Variants in VDAC2 observed in about 807,000 individuals in gnomAD.
VDAC2 encodes non-selective voltage-gated ion channel VDAC2.
VDAC2 carries 6 observed loss-of-function variants against 36.6 expected under a neutral mutation model. That is an observed-to-expected ratio of 0.16 (90% confidence interval 0.09 to 0.32). The LOEUF (loss-of-function observed/expected upper bound fraction) is 0.32. Among genes scored for constraint, VDAC2 ranks in the 10% least tolerant of loss-of-function variants. The probability of loss-of-function intolerance (pLI) is 1.00; values close to 1 mark genes in which losing one functional copy is unlikely to be tolerated. For synonymous variants in VDAC2, 109 were observed against 123.8 expected (o/e 0.88, Z 0.79); for missense variants, 247 against 346.0 (o/e 0.71, Z 2.27).
At chr10:75,220,122 A>G (rs750442898) in intron 6 of VDAC2, among the ~76,000 whole-genome samples, 2 of 143,528 alleles carry the variant, frequency 1.4e-5, no homozygotes, top group Non-Finnish European at 3.0e-5. Context: ...CACCGCTCGC[A>G]GCCTGTTTGT....
chr10:75,213,887 T>C, intron 3 of VDAC2, 134 bp from the exon 4 acceptor site: 1 of 784,940 alleles, frequency 1.3e-6, no homozygotes, highest in Non-Finnish European at 2.0e-6. Context: ...TTCATTTAAA[T>C]ATTGTATATT....
At chr10:75,224,701 G>T (rs573754802) in intron 8 of VDAC2, among the ~76,000 whole-genome samples, 126 of 152,306 alleles carry the variant, frequency 8.3e-4, no homozygotes, top group African/African-American at 3.0e-3. Context: ...ATTGTACCTT[G>T]ATGCTAGACC....
intron 4 of VDAC2, among the ~76,000 whole-genome samples, chr10:75,214,611 G>A (rs975998281): frequency 3.3e-5 from 5 of 151,778 alleles, no homozygotes; most frequent in African/African-American, 1.2e-4. Flanking sequence ...TGCAACCTCC[G>A]CCTCCTGAGT....
At chr10:75,222,979 CT>C (rs34279627) in intron 8 of VDAC2, among the ~76,000 whole-genome samples, 2,677 of 137,926 alleles carry the variant, frequency 0.019, 41 homozygotes, top group African/African-American at 0.05. Context: ...ATCACTTTGT[CT>C]TTTTTTTTTT....
intron 3 of VDAC2, among the ~76,000 whole-genome samples, chr10:75,213,066 T>C (rs935469705): frequency 2.6e-5 from 4 of 152,090 alleles, no homozygotes; most frequent in Non-Finnish European, 4.4e-5. Flanking sequence ...GTCTGTATTA[T>C]GATAAGTTGG....
chr10:75,222,247 T>TA lies in VDAC2; in HGVS notation c.585-4dup. The TA allele has an allele frequency of 6.2e-7, 1 of 1,612,872 alleles. No homozygotes were observed. The highest frequency in any genetic ancestry group is 8.5e-7 in the Non-Finnish European group (1 of 1,179,182). ...CTAGATCTACTAATTTAAAATATCT[T>TA]ATAGCAATGATGGGACAGAATTTGG... On this transcript the variant is annotated splice_region_variant and splice_polypyrimidine_tract_variant and intron_variant, in intron 7 of 9. Coordinates refer to ENST00000332211, the MANE Select transcript of VDAC2 (RefSeq NM_001391963.1).
At position 75,219,301 on chromosome 10, in the gene VDAC2, T is replaced by C. The variant is rs772833436; in HGVS notation, c.304-3T>C. ...AAAACAAATTACTTTTCTTTCAAAA[T>C]AGATTTGTCAAGGTTTGAAACTGAC... is the stretch of plus-strand genomic sequence containing the variant. On this transcript the variant is annotated splice_region_variant and splice_polypyrimidine_tract_variant and intron_variant, in intron 5 of 9. Transcript: ENST00000332211. The C allele has an allele frequency of 1.3e-6, 2 of 1,592,256 alleles. No individual in the cohort carries two copies. Among genetic ancestry groups the C allele is most frequent in the South Asian group, 1.2e-5 (1 of 85,064 alleles).
chr10:75,228,655 A>G (rs1842025980), intron 8 of VDAC2, among the ~76,000 whole-genome samples: 1 of 152,242 alleles, frequency 6.6e-6, no homozygotes, highest in Non-Finnish European at 1.5e-5. Context: ...GTATAGTTAC[A>G]TCATTTCTTT....
rs763572441 is a variant in VDAC2, at chr10:75,231,094, A to G, written c.*105A>G. 51 of 778,548 alleles carry G rather than the reference A, an allele frequency of 6.6e-5. No homozygotes were observed. Among genetic ancestry groups the G allele is most frequent in the Non-Finnish European group, 1.0e-4 (49 of 480,648 alleles). 48.2% of individuals were successfully genotyped at this position (778,548 alleles called of 1,614,324 possible). The stretch of plus-strand genomic sequence containing the variant: ...TTTTTCCCCCAAGAAGATGATCAAA[A>G]CAAAGGATGATCTCAACAAGAGCTG... On this transcript the variant is annotated 3_prime_UTR_variant, in exon 10 of 10. Coordinates refer to ENST00000332211, the MANE Select transcript of VDAC2 (RefSeq NM_001391963.1).
intron 8 of VDAC2, among the ~76,000 whole-genome samples, chr10:75,228,427 A>G (rs1842020623): frequency 1.3e-5 from 2 of 151,500 alleles, no homozygotes; most frequent in South Asian, 2.1e-4. Context: ...CAAGCTAGGA[A>G]AATTTTGTAC....
In VDAC2 at chr10:75,220,851, T is replaced by C. The variant is rs746853385; in HGVS notation, c.465T>C (p.Phe155=). ...CTGCAATCCATGGTTCAGCTGTCTT[T>C]GGTTATGAGGGCTGGCTTGCTGGCT... is the stretch of plus-strand genomic sequence containing the variant. ...AGPAIHGSAV[F]GYEGWLAGYQ... is the part of the protein sequence containing the mutation. Residue 155 remains phenylalanine, a synonymous_variant, in exon 7 of 10, where the codon TTT becomes TTC. Transcript: ENST00000332211. The C allele has an allele frequency of 6.2e-7, 1 of 1,613,690 alleles. No homozygotes were observed. Among genetic ancestry groups the C allele is most frequent in the Non-Finnish European group, 8.5e-7 (1 of 1,179,576 alleles).
chr10:75,227,247 C>G (rs983542940), intron 8 of VDAC2, among the ~76,000 whole-genome samples: 1 of 152,122 alleles, frequency 6.6e-6, no homozygotes, highest in South Asian at 2.1e-4. Context: ...TTACTTGAAC[C>G]CCAGGGGGTT....
At chr10:75,212,200 A>G (rs1396298699) in intron 2 of VDAC2, 30 bp from the exon 3 acceptor site, 3 of 1,601,854 alleles carry the variant, frequency 1.9e-6, no homozygotes, top group Admixed American at 1.7e-5. Flanking sequence ...GAATAGAGAC[A>G]TTAACACTGG....
chr10:75,211,699 C>CA, intron 2 of VDAC2: 3 of 1,547,626 alleles, frequency 1.9e-6, no homozygotes, highest in Non-Finnish European at 2.6e-6. Context: ...TTGATGTAGA[C>CA]ATTTGAGTGA....
chr10:75,229,821 A>G (rs1842054934), intron 9 of VDAC2, 120 bp downstream of exon 9: 1 of 695,716 alleles, frequency 1.4e-6, no homozygotes, highest in South Asian at 2.6e-5. Context: ...AGTACAATAA[A>G]TACGTGTTTA....
chr10:75,220,186 A>C (rs933951808), intron 6 of VDAC2, among the ~76,000 whole-genome samples: 4 of 150,482 alleles, frequency 2.7e-5, no homozygotes, highest in African/African-American at 9.8e-5. Flanking sequence ...GCTCACTGCA[A>C]CCTCTGCCTC....
At chr10:75,226,311 C>G (rs1355225016) in intron 8 of VDAC2, among the ~76,000 whole-genome samples, 1 of 152,056 alleles carries the variant, frequency 6.6e-6, no homozygotes. Context: ...TGTCAAGTTC[C>G]TGGCTCACAG....
Position 75,222,353 on chromosome 10 carries a change from G to C in VDAC2, c.686G>C (p.Arg229Pro). The stretch of plus-strand genomic sequence containing the variant: ...TGGACATCAGGTACCAACTGCACTC[G>C]TTTTGGCATTGCAGCTAAATATCAG... ...LAWTSGTNCT[R>P]FGIAAKYQLD... Residue 229 changes from arginine (R) to proline (P), a missense_variant, in exon 8 of 10, where the codon CGT becomes CCT. Around this residue, in one of 3 missense-constraint regions of VDAC2, gnomAD observed 159 missense variants for 234.0 expected, o/e 0.68. Transcript: ENST00000332211. 1.2e-6 allele frequency: 2 copies of C among 1,614,126 alleles called. No individual in the cohort carries two copies. The highest frequency in any genetic ancestry group is 1.7e-6 in the Non-Finnish European group (2 of 1,180,024).
chr10:75,219,862 CTG>C (rs914196687), intron 6 of VDAC2, among the ~76,000 whole-genome samples: 1 of 148,854 alleles, frequency 6.7e-6, no homozygotes, highest in African/African-American at 2.5e-5. Flanking sequence ...GAGTCTTACT[CTG>C]TCACACAGGC....
Sources: allele counts gnomAD v4.1 joint callset (sites outside exome capture counted in the v4.1 genomes callset), GRCh38; gene constraint gnomAD v4.1.1; regional missense constraint gnomAD v4.1.1; transcripts MANE v1.5; gene names NCBI Gene and HGNC (gene_info 2026-07-23, HGNC 2026-07-21).